The following KIFAP3 variants were observed in gnomAD, a reference collection of about 807,000 sequenced individuals.
KIFAP3 encodes kinesin-associated protein 3.
In KIFAP3, 68 loss-of-function variants were observed where a neutral mutation model predicts 106.5. That is an observed-to-expected ratio of 0.64 (90% confidence interval 0.53 to 0.78). The LOEUF (loss-of-function observed/expected upper bound fraction) is 0.78. KIFAP3 is among the 30% of genes least tolerant of loss of function. KIFAP3 has a pLI of 0.00. For missense variants in KIFAP3, 780 were observed against 941.8 expected, an observed-to-expected ratio of 0.83 and a Z score of 2.25; for synonymous variants, 320 against 311.5, an observed-to-expected ratio of 1.03 and a Z score of -0.29.
intron 17 of KIFAP3, among the ~76,000 whole-genome samples, chr1:169,963,197 T>A (rs1665426203): frequency 6.6e-6 from 1 of 152,196 alleles, no homozygotes; most frequent in South Asian, 2.1e-4. Flanking sequence ...AGTGAGAGCA[T>A]GTGGTATTTG....
intron 11 of KIFAP3, among the ~76,000 whole-genome samples, chr1:169,989,467 G>A (rs1181358451): frequency 6.6e-6 from 1 of 151,932 alleles, no homozygotes; most frequent in South Asian, 2.1e-4. Context: ...AAATGGAATC[G>A]GAAAAGGAAC....
intron 19 of KIFAP3, among the ~76,000 whole-genome samples, chr1:169,937,075 T>A (rs985400750): frequency 2.0e-5 from 3 of 151,080 alleles, no homozygotes; most frequent in Non-Finnish European, 4.4e-5. Flanking sequence ...ATAAGCCTGA[T>A]AATACTATTA....
At chr1:170,002,555 T>TA (rs1667716822) in intron 10 of KIFAP3, among the ~76,000 whole-genome samples, 1 of 152,162 alleles carries the variant, frequency 6.6e-6, no homozygotes, top group Admixed American at 6.6e-5. Context: ...TTAAAACTCT[T>TA]AAAGTTAGAA....
intron 19 of KIFAP3, among the ~76,000 whole-genome samples, chr1:169,949,994 A>C (rs1178765587): frequency 2.0e-5 from 3 of 152,160 alleles, no homozygotes; most frequent in Non-Finnish European, 4.4e-5. Flanking sequence ...TCTTACAAAA[A>C]TGAAGGTATT....
At position 169,992,139 on chromosome 1, in the gene KIFAP3, C is replaced by A; in HGVS notation, c.1284+16G>T. ...TATTTGTTAAATGTTTTTCATAAAA[C>A]ACTTAAACCACTTACCTGTGGTATA... On this transcript the variant is annotated intron_variant, in intron 11 of 19. Transcript: ENST00000361580. 2 of 1,275,794 alleles carry A rather than the reference C, an allele frequency of 1.6e-6. No homozygotes were observed. The highest frequency in any genetic ancestry group is 1.8e-5 in the South Asian group (1 of 57,102). 79.0% of individuals were successfully genotyped at this position (1,275,794 alleles called of 1,614,324 possible). A position where few individuals can be genotyped will look rare whatever the true frequency, so the allele number is the denominator to read the frequency against.
chr1:169,962,415 A>G (rs1665387429), intron 17 of KIFAP3, among the ~76,000 whole-genome samples: 1 of 152,166 alleles, frequency 6.6e-6, no homozygotes, highest in Non-Finnish European at 1.5e-5. Flanking sequence ...GTATTGCTTT[A>G]ACAATGGACA....
At position 170,074,666 on chromosome 1, in the gene KIFAP3, G is replaced by T. The variant is rs1671854857; in HGVS notation, c.-199C>A. 6.9e-7 allele frequency: 1 copy of T among 1,448,810 alleles called. No individual in the cohort carries two copies. Among genetic ancestry groups the T allele is most frequent in the African/African-American group, 1.4e-5 (1 of 70,318 alleles). 89.7% of individuals were successfully genotyped at this position (1,448,810 alleles called of 1,614,324 possible). A position where few individuals can be genotyped will look rare whatever the true frequency, so the allele number is the denominator to read the frequency against. ...CACAGCTTCTGTGCCCCAAAACACTGGAGCGGCCCAGACCCGCCCAGAGTC... is the reference window on the plus strand; with the variant it reads ...CACAGCTTCTGTGCCCCAAAACACTTGAGCGGCCCAGACCCGCCCAGAGTC... On this transcript the variant is annotated 5_prime_UTR_variant, in exon 1 of 20. Transcript: ENST00000361580.
chr1:170,074,813 C>A, upstream of KIFAP3: 1 of 1,137,442 alleles, frequency 8.8e-7, no homozygotes, highest in Non-Finnish European at 1.1e-6. Context: ...AGTTTTGGTG[C>A]AGTTTTGAGC....
chr1:169,984,191 A>T (rs976194107), intron 12 of KIFAP3, among the ~76,000 whole-genome samples: 9 of 151,820 alleles, frequency 5.9e-5, no homozygotes, highest in Admixed American at 5.3e-4. Flanking sequence ...GGCAAAAACT[A>T]TCGGGCAGAC....
At chr1:169,922,180 T>C (rs1042866093) in intron 19 of KIFAP3, among the ~76,000 whole-genome samples, 4 of 152,168 alleles carry the variant, frequency 2.6e-5, no homozygotes, top group African/African-American at 9.7e-5. Flanking sequence ...AGTTTTGCTG[T>C]TTATAATGTC....
intron 15 of KIFAP3, among the ~76,000 whole-genome samples, chr1:169,981,635 T>C (rs1321728112): frequency 6.6e-6 from 1 of 152,218 alleles, no homozygotes; most frequent in Non-Finnish European, 1.5e-5. Context: ...TATCTGTAGT[T>C]TCAGGCATCT....
chr1:169,975,303 T>C (rs1666166325), intron 16 of KIFAP3, among the ~76,000 whole-genome samples: 1 of 152,076 alleles, frequency 6.6e-6, no homozygotes. Flanking sequence ...AAATCATATA[T>C]TTATCTAAAA....
At chr1:169,929,438 AT>A (rs1488168335) in intron 19 of KIFAP3, among the ~76,000 whole-genome samples, 1 of 152,074 alleles carries the variant, frequency 6.6e-6, no homozygotes, top group Non-Finnish European at 1.5e-5. Flanking sequence ...AGCTTCTAAA[AT>A]TTTTCATTGA....
intron 18 of KIFAP3, among the ~76,000 whole-genome samples, chr1:169,954,560 T>C (rs1242667492): frequency 6.6e-6 from 1 of 152,222 alleles, no homozygotes; most frequent in Non-Finnish European, 1.5e-5. Context: ...TTTATTAGTG[T>C]AGCATGATTA....
chr1:170,074,374 A>C, intron 1 of KIFAP3, 62 bp downstream of exon 1: 1 of 1,591,110 alleles, frequency 6.3e-7, no homozygotes, highest in East Asian at 2.3e-5. Context: ...CTCACAGCCA[A>C]CCCAAGAACA....
At chr1:169,941,614 A>C (rs1035284550) in intron 19 of KIFAP3, among the ~76,000 whole-genome samples, 1 of 152,084 alleles carries the variant, frequency 6.6e-6, no homozygotes, top group Non-Finnish European at 1.5e-5. Context: ...TTATTTTATA[A>C]AATTTCATAT....
chr1:169,972,455 G>T, intron 17 of KIFAP3, 58 bp downstream of exon 17: 2 of 854,756 alleles, frequency 2.3e-6, no homozygotes, highest in Non-Finnish European at 3.9e-6. Context: ...GGTTTACAAT[G>T]ACTTTCTCCC....
chr1:169,968,144 C>T lies in KIFAP3; in HGVS notation c.1983+4369G>A, dbSNP rs567777540. ...GTTTTTTATTTCCTTCTCTTCTTAG[C>T]TCCTGACATTATGATTTTAAGCACT... is the stretch of plus-strand genomic sequence containing the variant. On this transcript the variant is annotated intron_variant, in intron 17 of 19. Coordinates refer to ENST00000361580, the MANE Select transcript of KIFAP3 (RefSeq NM_014970.4). Among the ~76,000 whole-genome samples, 124 of 152,010 alleles carry T rather than the reference C, an allele frequency of 8.2e-4. 1 individual carries two copies. The highest frequency in any genetic ancestry group is 2.8e-3 in the African/African-American group (118 of 41,520).
intron 1 of KIFAP3, among the ~76,000 whole-genome samples, chr1:170,066,968 T>C (rs1198439737): frequency 6.6e-6 from 1 of 152,180 alleles, no homozygotes; most frequent in Non-Finnish European, 1.5e-5. Flanking sequence ...TATTCCTATA[T>C]ATGATACTCA....
Sources: gnomAD v4.1 joint callset for allele counts (sites outside exome capture counted in the v4.1 genomes callset) on GRCh38, gnomAD v4.1.1 for gene constraint, MANE v1.5 for transcripts, NCBI Gene and HGNC (gene_info 2026-07-23, HGNC 2026-07-21) for gene names.